The following NLGN3 variants were observed in gnomAD, a reference collection of about 807,000 sequenced individuals.
NLGN3 encodes neuroligin-3.
Under a neutral mutation model 42.9 loss-of-function variants are expected in NLGN3, and 11 were observed. That is an observed-to-expected ratio of 0.26 (90% CI 0.16 to 0.42). The LOEUF (loss-of-function observed/expected upper bound fraction) is 0.42, where lower values mean the gene tolerates loss of function less well. Among genes scored for constraint, NLGN3 ranks in the 10% least tolerant of loss-of-function variants. The probability of loss-of-function intolerance (pLI) is 1.00; values close to 1 mark genes in which losing one functional copy is unlikely to be tolerated. For synonymous variants in NLGN3, 279 were observed against 312.7 expected, an observed-to-expected ratio of 0.89 and a Z score of 1.14; for missense variants, 374 against 733.8, an observed-to-expected ratio of 0.51 and a Z score of 5.67.
Position 71,147,761 on chromosome X carries a change from G to C in NLGN3, c.12G>C (p.Arg4=). The C allele has an allele frequency of 5.0e-6, 6 of 1,206,924 alleles. No individual in the cohort carries two copies. Among genetic ancestry groups the C allele is most frequent in the Non-Finnish European group, 6.7e-6 (6 of 893,844 alleles). Residue 4 remains arginine (R), a synonymous_variant, in exon 2 of 8, where the codon CGG becomes CGC. Transcript: ENST00000358741. Reference sequence around the variant, plus strand: ...CCCCTGCCCGGAACATGTGGCTGCGGCTTGGCCCGCCCTCGCTGTCCCTGA... The same window carrying C: ...CCCCTGCCCGGAACATGTGGCTGCGCCTTGGCCCGCCCTCGCTGTCCCTGA... MWL[R]LGPPSLSLSP...
intron 3 of NLGN3, among the ~76,000 whole-genome samples, chrX:71,150,713 AAAAAAAAAAGAAAG>A (rs1204860670): frequency 3.7e-5 from 4 of 108,658 alleles, no homozygotes; most frequent in Non-Finnish European, 7.6e-5. Context: ...AAAAAAAAAA[AAAAAAAAAAGAAAG>A]AAAAGAAAAG....
intron 3 of NLGN3, among the ~76,000 whole-genome samples, chrX:71,149,521 GA>G (rs1475497240): frequency 1.3e-4 from 15 of 111,947 alleles, no homozygotes; most frequent in Non-Finnish European, 2.8e-4. Context: ...CTCATGCTGA[GA>G]GGAGTTTCTC....
chrX:71,168,841 G>GA (rs2092458316), intron 7 of NLGN3, among the ~76,000 whole-genome samples: 1 of 81,504 alleles, frequency 1.2e-5, no homozygotes, highest in Non-Finnish European at 2.1e-5. Flanking sequence ...AAGAAAGAAA[G>GA]AAAGAAAGAA....
Position 71,170,920 on chromosome X carries a change from G to T in NLGN3, c.*823G>T, listed in dbSNP as rs2092469561. ...GGTGACCTTAGATTTGGTGAACAAC[G>T]TACTATGGAAGCCACATCACTATTG... is the stretch of plus-strand genomic sequence containing the variant. On this transcript the variant is annotated 3_prime_UTR_variant, in exon 8 of 8. Transcript: ENST00000358741. 3 of 754,710 alleles carry T rather than the reference G, an allele frequency of 4.0e-6. No homozygotes were observed. The highest frequency in any genetic ancestry group is 4.7e-6 in the Non-Finnish European group (3 of 639,444). 62.2% of individuals were successfully genotyped at this position (754,710 alleles called of 1,213,427 possible).
chrX:71,150,477 G>A (rs1175885727), intron 3 of NLGN3, among the ~76,000 whole-genome samples: 4 of 111,307 alleles, frequency 3.6e-5, no homozygotes, highest in African/African-American at 1.3e-4. Flanking sequence ...CGAGGCAGGT[G>A]GATCACGAGG....
chrX:71,153,972 G>A (rs1569484196), intron 4 of NLGN3, among the ~76,000 whole-genome samples: 1 of 111,745 alleles, frequency 8.9e-6, no homozygotes, highest in Non-Finnish European at 1.9e-5. Context: ...TGGGAGAGGG[G>A]CCCCGCAGGA....
downstream of NLGN3, among the ~76,000 whole-genome samples, chrX:71,174,546 A>G (rs1274668571): frequency 8.9e-6 from 1 of 112,061 alleles, no homozygotes; most frequent in African/African-American, 3.2e-5. Context: ...CAGTCCCCAC[A>G]TGGATTCAGG....
intron 7 of NLGN3, among the ~76,000 whole-genome samples, chrX:71,168,755 AAGAG>A (rs1255897959): frequency 2.6e-4 from 26 of 101,239 alleles, no homozygotes; most frequent in South Asian, 1.4e-3. Context: ...GAGAGAAAGA[AAGAG>A]AGAGAGAGAA....
Position 71,148,048 on chromosome X carries a change from C to A in NLGN3, c.299C>A (p.Thr100Lys). 1 of 1,210,699 alleles carries A rather than the reference C, an allele frequency of 8.3e-7. No individual in the cohort carries two copies. Among genetic ancestry groups the A allele is most frequent in the Non-Finnish European group, 1.1e-6 (1 of 894,668 alleles). The change falls in exon 2 of 8, where the codon ACA (threonine) becomes AAA (lysine). Residue 100 changes from threonine (T) to lysine (K), a missense_variant. Thr to Lys is a moderately conservative substitution (Grantham distance 78). Coordinates refer to ENST00000358741, the MANE Select transcript of NLGN3 (RefSeq NM_181303.2). ...TCCTGGTCGGGCATCCGGAACGCCA[C>A]ACACTTTCCCCCAGTGTGCCCCCAG... is the stretch of plus-strand genomic sequence containing the variant. ...PPSWSGIRNA[T>K]HFPPVCPQNI... is the part of the protein sequence containing the mutation.
chrX:71,171,953 G>A (rs772762694), downstream of NLGN3, among the ~76,000 whole-genome samples: 8 of 111,577 alleles, frequency 7.2e-5, 1 homozygote, highest in Non-Finnish European at 1.5e-4. Context: ...TGATACCTCA[G>A]AAAGCAGGAA....
At chrX:71,166,858 C>G (rs1007981472) in intron 6 of NLGN3, among the ~76,000 whole-genome samples, 153 bp from the exon 7 acceptor site, 2 of 112,166 alleles carry the variant, frequency 1.8e-5, no homozygotes, top group African/African-American at 6.5e-5. Flanking sequence ...TCAGCAACCC[C>G]TCCTTTGGCC....
intron 1 of NLGN3, among the ~76,000 whole-genome samples, chrX:71,145,850 T>A (rs1287073920): frequency 2.0e-5 from 2 of 100,276 alleles, no homozygotes; most frequent in Non-Finnish European, 4.1e-5. Flanking sequence ...ATGAGCGGTC[T>A]GTGCCCTGGA....
At chrX:71,155,085 C>T (rs1253070404) in intron 4 of NLGN3, 129 bp from the exon 5 acceptor site, 2 of 711,468 alleles carry the variant, frequency 2.8e-6, no homozygotes, top group Non-Finnish European at 4.3e-6. Context: ...ATGAGTCCTG[C>T]CCTCAGGGAT....
At chrX:71,153,349 C>T in intron 3 of NLGN3, 128 bp from the exon 4 acceptor site, 1 of 653,256 alleles carries the variant, frequency 1.5e-6, no homozygotes. Context: ...TGCCATCCCT[C>T]CTGCCTGTCC....
At chrX:71,172,843 C>A (rs146365660), downstream of NLGN3, among the ~76,000 whole-genome samples, 59 of 111,858 alleles carry the variant, frequency 5.3e-4, no homozygotes, top group African/African-American at 1.9e-3. Context: ...CAAGGAATAA[C>A]TTTGCTATGA....
At chrX:71,172,625 TGC>T (rs1450351440), downstream of NLGN3, among the ~76,000 whole-genome samples, 1 of 79,812 alleles carries the variant, frequency 1.3e-5, no homozygotes, top group Non-Finnish European at 2.2e-5. Context: ...TGTGTGTGCA[TGC>T]GTGTGTGTGT....
chrX:71,148,845 G>A lies in NLGN3; in HGVS notation c.458-1G>A, dbSNP rs1311796588. On this transcript the variant is annotated splice_acceptor_variant, in intron 2 of 7. Coordinates refer to ENST00000358741, the MANE Select transcript of NLGN3 (RefSeq NM_181303.2). LOFTEE classifies it high-confidence loss of function. ...TTTTTAGTTTTTTATTCATTTTACA[G>A]TAAAGCGGATTTCCAAGGAATGCGC... 1 of 1,142,784 alleles carries A rather than the reference G, an allele frequency of 8.8e-7. No individual in the cohort carries two copies. The allele number at this position is 1,142,784 out of a possible 1,213,427, so 94.2% of individuals were successfully genotyped here. A position where few individuals can be genotyped will look rare whatever the true frequency, so the allele number is the denominator to read the frequency against.
At chrX:71,157,081 G>A (rs1475382567) in intron 5 of NLGN3, among the ~76,000 whole-genome samples, 1 of 111,121 alleles carries the variant, frequency 9.0e-6, no homozygotes, top group Non-Finnish European at 1.9e-5. Flanking sequence ...CAGCGGGAGT[G>A]TAGGCTCTTG....
chrX:71,148,873 G>A lies in NLGN3; in HGVS notation c.485G>A (p.Arg162Gln), dbSNP rs1194516179. The change falls in exon 3 of 8, where the codon CGA becomes CAA. Residue 162 changes from arginine to glutamine, a missense_variant. Physicochemically the swap from Arg to Gln is conservative, Grantham distance 43 (BLOSUM62 1). This residue lies in a region of NLGN3 where 109 missense variants were observed against 173.3 expected (regional missense o/e 0.63). Coordinates refer to ENST00000358741, the MANE Select transcript of NLGN3 (RefSeq NM_181303.2). Reference sequence around the variant, plus strand: ...AAGCGGATTTCCAAGGAATGCGCCCGAAAGCCCAACAAGAAAATTTGTAGG... The same window carrying A: ...AAGCGGATTTCCAAGGAATGCGCCCAAAAGCCCAACAAGAAAATTTGTAGG... The part of the protein sequence containing the change: ...DVKRISKECA[R>Q]KPNKKICRKG... The A allele has an allele frequency of 6.2e-6, 7 of 1,132,982 alleles. No homozygotes were observed. The highest frequency in any genetic ancestry group is 7.0e-6 in the Non-Finnish European group (6 of 855,596). The allele number at this position is 1,132,982 out of a possible 1,213,427, so 93.4% of individuals were successfully genotyped here.
Sources: allele counts gnomAD v4.1 joint callset (sites outside exome capture counted in the v4.1 genomes callset), GRCh38; gene constraint gnomAD v4.1.1; regional missense constraint gnomAD v4.1.1; transcripts MANE v1.5; gene names NCBI Gene and HGNC (gene_info 2026-07-23, HGNC 2026-07-21).